Variants in KRT73 observed in about 807,000 individuals in gnomAD.
KRT73 encodes keratin, type II cytoskeletal 73.
A neutral mutation model predicts 47.2 loss-of-function variants in KRT73; 44 were observed. The observed-to-expected ratio is 0.93, with a 90% CI of 0.73 to 1.20. The LOEUF (loss-of-function observed/expected upper bound fraction) is 1.20. Ranked by LOEUF, KRT73 falls within the 50% of genes most tolerant of loss-of-function variation. The pLI is 0.00. For synonymous variants in KRT73, 285 were observed against 291.3 expected (o/e 0.98, Z 0.22); for missense variants, 713 against 704.5 (o/e 1.01, Z -0.14).
chr12:52,615,274 C>G lies in KRT73; in HGVS notation c.723+5G>C. ...GACTGAAGGGAACCCATGCACCCTC[C>G]TCACCTTCTTAAGCACCACAAATTC... is the stretch of plus-strand genomic sequence containing the variant. On this transcript the variant is annotated splice_donor_5th_base_variant and intron_variant, in intron 3 of 8. Coordinates refer to ENST00000305748, the MANE Select transcript of KRT73 (RefSeq NM_175068.3). 6.2e-7 allele frequency: 1 copy of G among 1,613,276 alleles called. No homozygotes were observed. The highest frequency in any genetic ancestry group is 8.5e-7 in the Non-Finnish European group (1 of 1,179,338).
At chr12:52,611,117 G>A (rs1940691959) in intron 6 of KRT73, 87 bp downstream of exon 6, 1 of 1,512,280 alleles carries the variant, frequency 6.6e-7, no homozygotes, top group East Asian at 2.3e-5. Flanking sequence ...TTCTGAAATG[G>A]ATGCTCAAGA....
the KRT73 span, among the ~76,000 whole-genome samples, chr12:52,630,488 GC>G: frequency 2.0e-5 from 3 of 152,104 alleles, no homozygotes; most frequent in African/African-American, 7.2e-5. Flanking sequence ...GCAGCACTGT[GC>G]CGAGGGCCAA....
In KRT73 at chr12:52,615,352, C is replaced by A; in HGVS notation, c.663-13G>T. The stretch of plus-strand genomic sequence containing the variant: ...TTCTTCTTCATACCTGCAGGGAAAG[C>A]ATCACAGGAAGCAGAGTGTGTGTCT... On this transcript the variant is annotated splice_polypyrimidine_tract_variant and intron_variant, in intron 2 of 8. Coordinates refer to ENST00000305748, the MANE Select transcript of KRT73 (RefSeq NM_175068.3). 1 of 1,612,218 alleles carries A rather than the reference C, an allele frequency of 6.2e-7. No individual in the cohort carries two copies. Among genetic ancestry groups the A allele is most frequent in the Non-Finnish European group, 8.5e-7 (1 of 1,178,336 alleles).
chr12:52,609,274 C>T lies in KRT73; in HGVS notation c.1339G>A (p.Gly447Arg), dbSNP rs200247755. The change falls in exon 8 of 9, where the codon GGA becomes AGA. Residue 447 changes from glycine to arginine, a missense_variant. Gly to Arg is a moderately radical substitution (Grantham distance 125). Transcript: ENST00000305748. ...LLEGEECRMS[G>R]EYTNSVSISV... ...ATGCTCACGGAGTTGGTATATTCTC[C>T]GGACATCCTGCAAGAGAGAAAAGCA... is the stretch of plus-strand genomic sequence containing the variant. The T allele has an allele frequency of 4.7e-5, 76 of 1,613,486 alleles. 1 individual carries two copies. Among genetic ancestry groups the T allele is most frequent in the African/African-American group, 2.4e-4 (18 of 74,992 alleles).
intron 6 of KRT73, 134 bp from the exon 7 acceptor site, chr12:52,610,969 G>A (rs1940688939): frequency 1.1e-6 from 1 of 909,792 alleles, no homozygotes; most frequent in East Asian, 2.6e-5. Context: ...CATCCAGGTG[G>A]AGTCCTGTCA....
chr12:52,613,789 G>T lies in KRT73; in HGVS notation c.883C>A (p.Arg295=). The change falls in exon 5 of 9, where the codon CGG becomes AGG. Residue 295 remains arginine (R), a synonymous_variant. Coordinates refer to ENST00000305748, the MANE Select transcript of KRT73 (RefSeq NM_175068.3). ...ATGATGCTGTCCAGGTCCAGGTTCC[G>T]GTTGTTGTCCATGGACAGGATGATG... ...TSIILSMDNN[R]NLDLDSIIAE... 1.2e-6 allele frequency: 2 copies of T among 1,614,226 alleles called. No individual in the cohort carries two copies. Among genetic ancestry groups the T allele is most frequent in the Non-Finnish European group, 1.7e-6 (2 of 1,180,042 alleles).
chr12:52,630,175 C>T, the KRT73 span, among the ~76,000 whole-genome samples: 1 of 152,198 alleles, frequency 6.6e-6, no homozygotes, highest in East Asian at 1.9e-4. Flanking sequence ...CCTGACTGGA[C>T]AGCACTGCTG....
chr12:52,610,618 C>T lies in KRT73; in HGVS notation c.1328G>A (p.Cys443Tyr), dbSNP rs918468930. 2 of 1,611,664 alleles carry T rather than the reference C, an allele frequency of 1.2e-6. No homozygotes were observed. Among genetic ancestry groups the T allele is most frequent in the Non-Finnish European group, 1.7e-6 (2 of 1,179,284 alleles). The change falls in exon 7 of 9, where the codon TGC (cysteine) becomes TAC (tyrosine). Residue 443 changes from cysteine to tyrosine, a missense_variant. Transcript: ENST00000305748. ...TYRKLLEGEE[C>Y]RMSGEYTNSV... ...CCAGTCCCTCGGTCCCACCCACCTG[C>T]ACTCCTCGCCCTCCAGCAGCTTGCG...
At position 52,613,820 on chromosome 12, in the gene KRT73, G is replaced by A. The variant is rs1180226761; in HGVS notation, c.852C>T (p.Asp284=). 3 of 1,614,170 alleles carry A rather than the reference G, an allele frequency of 1.9e-6. No individual in the cohort carries two copies. The highest frequency in any genetic ancestry group is 1.3e-5 in the African/African-American group (1 of 75,054). The change falls in exon 5 of 9, where the codon GAC becomes GAT. Residue 284 remains aspartate, a synonymous_variant. Transcript: ENST00000305748. The part of the protein sequence containing the change: ...ETAQIQSHIS[D]TSIILSMDNN... ...TGTCCATGGACAGGATGATGGACGT[G>A]TCGCTGATGTGGGACTGGATCTGAG...
chr12:52,611,377 G>A (rs1218056190), intron 5 of KRT73, 48 bp from the exon 6 acceptor site: 2 of 1,610,964 alleles, frequency 1.2e-6, no homozygotes, highest in Non-Finnish European at 1.7e-6. Context: ...GGGCTTGGCT[G>A]GGATCAGCCT....
upstream of KRT73, among the ~76,000 whole-genome samples, chr12:52,622,094 C>T (rs1025082912): frequency 4.6e-5 from 7 of 152,170 alleles, no homozygotes; most frequent in Non-Finnish European, 7.4e-5. Context: ...TAAAAAATCA[C>T]TCATTGTGCC....
At chr12:52,611,126 G>T in intron 6 of KRT73, 78 bp downstream of exon 6, 1 of 1,549,810 alleles carries the variant, frequency 6.5e-7, no homozygotes, top group Non-Finnish European at 8.8e-7. Flanking sequence ...GGATGCTCAA[G>T]AGAAGGAGGG....
chr12:52,618,453 G>T lies in KRT73; in HGVS notation c.72C>A (p.Leu24=). ...GGTAGGAGGATGAGCTGCCCCCTGA[G>T]AGCACAGCGGAGCAGCCGCTGAAGC... is the stretch of plus-strand genomic sequence containing the variant. ...KGGFSGCSAV[L]SGGSSSSYRA... is the part of the protein sequence containing the mutation. Residue 24 remains leucine (L), a synonymous_variant, in exon 1 of 9, where the codon CTC becomes CTA. Coordinates refer to ENST00000305748, the MANE Select transcript of KRT73 (RefSeq NM_175068.3). The T allele has an allele frequency of 6.2e-7, 1 of 1,613,666 alleles. No homozygotes were observed.
At chr12:52,624,412 T>C in the KRT73 span, among the ~76,000 whole-genome samples, 2 of 152,062 alleles carry the variant, frequency 1.3e-5, no homozygotes, top group East Asian at 3.8e-4. Context: ...ACCAACAGGA[T>C]CTAATTGATA....
At chr12:52,620,394 G>A (rs922766296), upstream of KRT73, among the ~76,000 whole-genome samples, 5 of 152,174 alleles carry the variant, frequency 3.3e-5, no homozygotes, top group Admixed American at 6.5e-5. Flanking sequence ...GTGAGCCACC[G>A]CACCTGACCC....
At chr12:52,612,267 A>G (rs1940718599) in intron 5 of KRT73, 1 of 152,188 alleles carries the variant, frequency 6.6e-6, no homozygotes, top group South Asian at 2.1e-4. Context: ...TATACCCCAA[A>G]ACCACTAGCC....
intron 1 of KRT73, among the ~76,000 whole-genome samples, chr12:52,617,679 T>C (rs1344016451): frequency 6.6e-6 from 1 of 152,168 alleles, no homozygotes; most frequent in South Asian, 2.1e-4. Context: ...ACTTCTCAAC[T>C]CAGAGACCGC....
At chr12:52,609,352 C>G in intron 7 of KRT73, 71 bp from the exon 8 acceptor site, 1 of 1,323,554 alleles carries the variant, frequency 7.6e-7, no homozygotes, top group Non-Finnish European at 1.1e-6. Flanking sequence ...TGCCTAAACA[C>G]AGGCTGGGGA....
intron 7 of KRT73, 106 bp from the exon 8 acceptor site, chr12:52,609,387 T>C (rs2120855615): frequency 1.1e-6 from 1 of 899,296 alleles, no homozygotes. Flanking sequence ...AGCTCAGCCT[T>C]CACGCACCCC....
Sources: gnomAD v4.1 joint callset for allele counts (sites outside exome capture counted in the v4.1 genomes callset) on GRCh38, gnomAD v4.1.1 for gene constraint, MANE v1.5 for transcripts, NCBI Gene and HGNC (gene_info 2026-07-23, HGNC 2026-07-21) for gene names.